Variants in PTPRT observed in about 807,000 individuals in gnomAD.
The protein encoded by PTPRT is protein tyrosine phosphatase receptor type T, also known as receptor-type tyrosine-protein phosphatase T.
A neutral mutation model predicts 176.8 loss-of-function variants in PTPRT; 56 were observed. That is an observed-to-expected ratio of 0.32 (90% CI 0.26 to 0.40). The LOEUF (loss-of-function observed/expected upper bound fraction) is 0.40, where lower values mean the gene tolerates loss of function less well. PTPRT is among the 10% of genes least tolerant of loss of function. The probability of loss-of-function intolerance (pLI) is 1.00; values close to 1 mark genes in which losing one functional copy is unlikely to be tolerated. For synonymous variants in PTPRT, 783 were observed against 739.0 expected (o/e 1.06, Z -0.96); for missense variants, 1,540 against 1,908.2 (o/e 0.81, Z 3.60).
At chr20:42,301,289 A>C (rs970297864) in intron 12 of PTPRT, among the ~76,000 whole-genome samples, 2 of 152,178 alleles carry the variant, frequency 1.3e-5, no homozygotes, top group Non-Finnish European at 2.9e-5. Context: ...ACAAAAATGC[A>C]TAACTTGAAT....
intron 1 of PTPRT, among the ~76,000 whole-genome samples, chr20:43,036,677 A>G (rs1390043819): frequency 6.6e-6 from 1 of 152,228 alleles, no homozygotes; most frequent in Non-Finnish European, 1.5e-5. Flanking sequence ...AATCCCACTC[A>G]AAAACCTTAA....
intron 11 of PTPRT, among the ~76,000 whole-genome samples, 178 bp downstream of exon 11, chr20:42,350,450 G>A (rs930354721): frequency 2.6e-5 from 4 of 152,094 alleles, no homozygotes; most frequent in Admixed American, 6.5e-5. Context: ...ACCCAGGTTT[G>A]CCTTGAACTC....
intron 1 of PTPRT, among the ~76,000 whole-genome samples, chr20:43,099,960 T>A (rs901813685): frequency 2.0e-5 from 3 of 152,178 alleles, no homozygotes; most frequent in African/African-American, 4.8e-5. Flanking sequence ...GGTACCTACA[T>A]CTAGTAGGGA....
intron 18 of PTPRT, among the ~76,000 whole-genome samples, chr20:42,132,529 A>G (rs898927308): frequency 1.3e-5 from 2 of 152,234 alleles, no homozygotes; most frequent in African/African-American, 4.8e-5. Flanking sequence ...ACAGACACCT[A>G]ATCAAGGAAG....
chr20:42,881,724 C>CAA (rs112191705), intron 2 of PTPRT, among the ~76,000 whole-genome samples: 1,328 of 35,214 alleles, frequency 0.038, 45 homozygotes, highest in Non-Finnish European at 0.062. Context: ...CACTCTGTCT[C>CAA]AAAAAAAAAA....
At chr20:42,358,865 C>T (rs946307280) in intron 9 of PTPRT, among the ~76,000 whole-genome samples, 1 of 152,182 alleles carries the variant, frequency 6.6e-6, no homozygotes, top group Non-Finnish European at 1.5e-5. Flanking sequence ...TTGTGCAGTG[C>T]ACAAACTAAG....
At chr20:43,023,552 T>C (rs915465327) in intron 1 of PTPRT, among the ~76,000 whole-genome samples, 8 of 152,234 alleles carry the variant, frequency 5.3e-5, no homozygotes, top group Non-Finnish European at 1.0e-4. Context: ...TGAGTGGAAC[T>C]GAGACAGGTG....
intron 1 of PTPRT, among the ~76,000 whole-genome samples, chr20:43,056,965 G>A (rs1465464373): frequency 6.6e-6 from 1 of 151,906 alleles, no homozygotes; most frequent in Non-Finnish European, 1.5e-5. Flanking sequence ...AACTATCGAT[G>A]CATGCAACAA....
chr20:42,085,981 C>T (rs1390499672), intron 27 of PTPRT, 128 bp from the exon 28 acceptor site: 1 of 1,171,638 alleles, frequency 8.5e-7, no homozygotes, highest in Non-Finnish European at 1.2e-6. Flanking sequence ...GAGCATCACT[C>T]TTGTTGCCCA....
intron 1 of PTPRT, among the ~76,000 whole-genome samples, chr20:43,172,816 T>C (rs1338221435): frequency 1.3e-5 from 2 of 151,588 alleles, no homozygotes; most frequent in Non-Finnish European, 2.9e-5. Context: ...ATACAGCTTA[T>C]AAATTAGCAC....
intron 7 of PTPRT, among the ~76,000 whole-genome samples, chr20:42,579,013 T>A (rs908177292): frequency 6.6e-6 from 1 of 150,834 alleles, no homozygotes; most frequent in African/African-American, 2.4e-5. Context: ...ACCCATTAAC[T>A]CGTCATTTAA....
chr20:42,782,110 G>A (rs183077145), intron 3 of PTPRT, among the ~76,000 whole-genome samples: 1 of 152,186 alleles, frequency 6.6e-6, no homozygotes, highest in Non-Finnish European at 1.5e-5. Context: ...AACTGTCAGT[G>A]TTCATAGACT....
At chr20:42,447,944 C>T (rs1190404266) in intron 9 of PTPRT, among the ~76,000 whole-genome samples, 1 of 152,198 alleles carries the variant, frequency 6.6e-6, no homozygotes, top group Non-Finnish European at 1.5e-5. Flanking sequence ...TAAGAACAAT[C>T]TGACTCCCTG....
chr20:43,134,034 G>A (rs150836262), intron 1 of PTPRT, among the ~76,000 whole-genome samples: 6 of 152,266 alleles, frequency 3.9e-5, no homozygotes, highest in East Asian at 3.9e-4. Context: ...CTGAACTTAC[G>A]GATCAGTCTG....
intron 7 of PTPRT, among the ~76,000 whole-genome samples, chr20:42,614,809 C>T (rs1372379713): frequency 1.3e-5 from 2 of 151,992 alleles, no homozygotes; most frequent in Admixed American, 6.6e-5. Context: ...GCTGGGGAGG[C>T]CTCACAATCA....
chr20:42,742,074 A>G (rs1464955202), intron 6 of PTPRT, among the ~76,000 whole-genome samples: 5 of 152,208 alleles, frequency 3.3e-5, no homozygotes, highest in African/African-American at 9.6e-5. Context: ...AGCCACAGAG[A>G]TGAGTGCAGA....
chr20:42,513,201 GGTGTGTGT>G lies in PTPRT; in HGVS notation c.1154-40647_1154-40640del, dbSNP rs58268839. Among the ~76,000 whole-genome samples, 981 of 144,666 alleles carry G rather than the reference GGTGTGTGT, an allele frequency of 6.8e-3. 6 individuals carry two copies. Among genetic ancestry groups the G allele is most frequent in the African/African-American group, 0.023 (916 of 39,190 alleles). 94.9% of individuals were successfully genotyped at this position (144,666 alleles called of 152,430 possible). A position where few individuals can be genotyped will look rare whatever the true frequency, so the allele number is the denominator to read the frequency against. ...TTTTTCATATGTTCTCTATTGATGG[GGTGTGTGT>G]GTGTGTGTGTGTGTGTGTGTGTGTG... On this transcript the variant is annotated intron_variant, in intron 7 of 30. Coordinates refer to ENST00000373187, the MANE Select transcript of PTPRT (RefSeq NM_007050.6).
intron 7 of PTPRT, among the ~76,000 whole-genome samples, chr20:42,627,084 G>A (rs1038874750): frequency 1.6e-4 from 24 of 152,022 alleles, no homozygotes; most frequent in African/African-American, 5.8e-4. Flanking sequence ...AGCAATGCCC[G>A]GGATGACCGG....
At chr20:42,507,523 T>A (rs1362926776) in intron 7 of PTPRT, among the ~76,000 whole-genome samples, 1 of 152,108 alleles carries the variant, frequency 6.6e-6, no homozygotes, top group Non-Finnish European at 1.5e-5. Context: ...GTATTTAGCA[T>A]CTCTGAGCCC....
Sources: allele counts gnomAD v4.1 joint callset (sites outside exome capture counted in the v4.1 genomes callset), GRCh38; gene constraint gnomAD v4.1.1; transcripts MANE v1.5; gene names NCBI Gene and HGNC (gene_info 2026-07-23, HGNC 2026-07-21).